Variants in RGS5 observed in about 807,000 individuals in gnomAD.
RGS5 encodes regulator of G-protein signalling 5.
RGS5 carries 20 observed loss-of-function variants against 18.9 expected under a neutral mutation model. That is an observed-to-expected ratio of 1.06 (90% CI 0.74 to 1.54). The LOEUF is 1.54. Among genes scored for constraint, RGS5 ranks in the 40% most tolerant of loss-of-function variants. The pLI, the probability that RGS5 is intolerant of heterozygous loss-of-function variation, is 0.00. For missense variants in RGS5, 201 were observed against 211.8 expected (o/e 0.95, Z 0.32); for synonymous variants, 57 against 76.2 (o/e 0.75, Z 1.31).
intron 1 of RGS5, among the ~76,000 whole-genome samples, chr1:163,180,701 T>G (rs980229779): frequency 3.0e-5 from 4 of 132,102 alleles, no homozygotes; most frequent in East Asian, 2.1e-4. Flanking sequence ...TTTTTTTTTT[T>G]TTTTTTTTTT....
intron 2 of RGS5, among the ~76,000 whole-genome samples, chr1:163,238,256 T>G (rs2101689087): frequency 6.6e-6 from 1 of 152,352 alleles, no homozygotes; most frequent in South Asian, 2.1e-4. Context: ...TAACAGGAAC[T>G]GCAAATAACA....
At chr1:163,245,555 G>A (rs781217937) in intron 2 of RGS5, among the ~76,000 whole-genome samples, 2 of 152,072 alleles carry the variant, frequency 1.3e-5, no homozygotes, top group Admixed American at 6.5e-5. Flanking sequence ...TTTTTGTATC[G>A]CCTCATCATC....
chr1:163,176,771 TA>T (rs1032791276), intron 1 of RGS5, among the ~76,000 whole-genome samples: 1 of 152,106 alleles, frequency 6.6e-6, no homozygotes. Context: ...TTCAACGAAA[TA>T]AAAAAGATAA....
chr1:163,225,121 G>A (rs1647304818), intron 2 of RGS5, among the ~76,000 whole-genome samples: 1 of 152,114 alleles, frequency 6.6e-6, no homozygotes, highest in Non-Finnish European at 1.5e-5. Context: ...ATAATGAAGT[G>A]TTTCCCCTGT....
At chr1:163,192,432 A>C (rs1571270434) in intron 1 of RGS5, among the ~76,000 whole-genome samples, 1 of 152,174 alleles carries the variant, frequency 6.6e-6, no homozygotes, top group African/African-American at 2.4e-5. Flanking sequence ...AGAGAGAAAA[A>C]GTTTGTTTTT....
chr1:163,246,109 C>T lies in RGS5; in HGVS notation c.-281+60124G>A, dbSNP rs545528553. Reference sequence around the variant, plus strand: ...GCGGGCACCTGCAGTCCCAGCTACTCGGGAGGCTGAGGCAGGAGAATGGCG... The same window carrying T: ...GCGGGCACCTGCAGTCCCAGCTACTTGGGAGGCTGAGGCAGGAGAATGGCG... On this transcript the variant is annotated intron_variant, in intron 2 of 5. Coordinates refer to the RGS5 transcript ENST00000618415. 2.8e-4 allele frequency among the ~76,000 whole-genome samples: 42 copies of T among 151,744 alleles called. No individual in the cohort carries two copies. In the South Asian group the frequency reaches 4.4e-3, roughly 16 times the overall value.
chr1:163,272,075 T>C (rs1348280724), intron 2 of RGS5, among the ~76,000 whole-genome samples: 1 of 151,960 alleles, frequency 6.6e-6, no homozygotes, highest in Non-Finnish European at 1.5e-5. Flanking sequence ...AGGTGAAGTC[T>C]CACTCTGTCA....
chr1:163,152,154 T>A (rs1164579737), intron 4 of RGS5, among the ~76,000 whole-genome samples: 1 of 152,160 alleles, frequency 6.6e-6, no homozygotes, highest in Non-Finnish European at 1.5e-5. Flanking sequence ...AATTTTCAGA[T>A]CAGAGATGTT....
Position 163,147,395 on chromosome 1 carries a change from C to G in RGS5, c.493G>C (p.Asp165His), listed in dbSNP as rs1657178356. ...GAGCGCACAAAGCGAGGCAGAGAAT[C>G]CTTTTCCATCAGGGCATGGATTCTT... ...QKRIHALMEK[D>H]SLPRFVRSEF... is the part of the protein sequence containing the mutation. The change falls in exon 5 of 5, where the codon GAT becomes CAT. Residue 165 changes from aspartate to histidine, a missense_variant. Transcript: ENST00000313961. 1 of 1,612,582 alleles carries G rather than the reference C, an allele frequency of 6.2e-7. No individual in the cohort carries two copies. The highest frequency in any genetic ancestry group is 8.5e-7 in the Non-Finnish European group (1 of 1,179,372).
intron 1 of RGS5, among the ~76,000 whole-genome samples, chr1:163,184,327 G>GTTAT (rs1276724818): frequency 6.7e-6 from 1 of 148,766 alleles, no homozygotes; most frequent in East Asian, 2.0e-4. Context: ...ACCACCAAGG[G>GTTAT]AAACAAAAAG....
At chr1:163,182,790 A>G (rs1281291929) in intron 1 of RGS5, among the ~76,000 whole-genome samples, 1 of 152,192 alleles carries the variant, frequency 6.6e-6, no homozygotes, top group African/African-American at 2.4e-5. Flanking sequence ...AGCTCCTCTG[A>G]ACACTGCAGT....
intron 2 of RGS5, among the ~76,000 whole-genome samples, chr1:163,293,938 C>T (rs560642792): frequency 1.2e-4 from 18 of 152,336 alleles, no homozygotes; most frequent in African/African-American, 3.8e-4. Flanking sequence ...CCATGTCTCA[C>T]ATCCAGGGCA....
intron 2 of RGS5, among the ~76,000 whole-genome samples, chr1:163,223,246 C>A (rs1647268413): frequency 6.6e-6 from 1 of 152,112 alleles, no homozygotes; most frequent in African/African-American, 2.4e-5. Context: ...ATAAAAGCAC[C>A]CACCTTGTCA....
intron 1 of RGS5, among the ~76,000 whole-genome samples, chr1:163,209,563 A>G (rs1476434051): frequency 6.6e-6 from 1 of 152,126 alleles, no homozygotes; most frequent in African/African-American, 2.4e-5. Context: ...AGAGTGTTTT[A>G]TAATTTTCCT....
intron 2 of RGS5, among the ~76,000 whole-genome samples, chr1:163,247,159 A>G (rs1470841633): frequency 1.3e-5 from 2 of 152,350 alleles, no homozygotes; most frequent in East Asian, 3.9e-4. Flanking sequence ...GTGACAAAAT[A>G]ATCTGTATAC....
intron 4 of RGS5, among the ~76,000 whole-genome samples, chr1:163,149,697 T>C (rs138012896): frequency 2.4e-4 from 37 of 152,312 alleles, no homozygotes; most frequent in African/African-American, 8.9e-4. Flanking sequence ...TTAATTCCAA[T>C]TTTTACCATT....
At position 163,277,415 on chromosome 1, in the gene RGS5, T is replaced by C. The variant is rs200501329; in HGVS notation, c.-281+28818A>G. Among the ~76,000 whole-genome samples, 4 of 152,346 alleles carry C rather than the reference T, an allele frequency of 2.6e-5. No individual in the cohort carries two copies. In the East Asian group the frequency reaches 7.7e-4, roughly 29 times the overall value. On this transcript the variant is annotated intron_variant, in intron 2 of 5. Coordinates refer to the RGS5 transcript ENST00000618415. ...TGCCAAAATAAACTTTCTAAATTGA[T>C]TGATACTTGTATCAGATACTTTTTG...
In RGS5 at chr1:163,241,944, T is replaced by A. The variant is rs116534212; in HGVS notation, c.-281+64289A>T. On this transcript the variant is annotated intron_variant, in intron 2 of 5. Transcript: ENST00000618415. ...AGTACAGTACTTGTATTAAGTATTC[T>A]ATGCTCAAGATTGAACTAGATTAAT... 5.5e-3 allele frequency among the ~76,000 whole-genome samples: 844 copies of A among 152,324 alleles called. 10 individuals are homozygous for A. The highest frequency in any genetic ancestry group is 0.019 in the African/African-American group (808 of 41,562).
In RGS5 at chr1:163,158,379, T is replaced by C. The variant is rs183531127; in HGVS notation, c.217+3536A>G. Among the ~76,000 whole-genome samples, 358 of 150,924 alleles carry C rather than the reference T, an allele frequency of 2.4e-3. 1 individual carries two copies. The highest frequency in any genetic ancestry group is 0.011 in the Admixed American group (165 of 15,142). On this transcript the variant is annotated intron_variant, in intron 3 of 4. Transcript: ENST00000313961. ...GATAAAGAAGAAGAGAGCAATAGAG[T>C]GATGGTAAGAGTAGAGAATTAGAGA...
Sources: gnomAD v4.1 joint callset for allele counts (sites outside exome capture counted in the v4.1 genomes callset) on GRCh38, gnomAD v4.1.1 for gene constraint, MANE v1.5 for transcripts, NCBI Gene and HGNC (gene_info 2026-07-23, HGNC 2026-07-21) for gene names.